The following NCAPD3 variants were observed in gnomAD, a reference collection of about 807,000 sequenced individuals.
NCAPD3 encodes the protein non-SMC condensin II complex subunit D3.
In NCAPD3, 105 loss-of-function variants were observed where a neutral mutation model predicts 182.9. That is an observed-to-expected ratio of 0.57 (90% CI 0.49 to 0.68). The LOEUF is 0.68. Ranked by LOEUF, NCAPD3 falls within the 30% of genes least tolerant of loss-of-function variation. The pLI is 0.00. For synonymous variants in NCAPD3, 815 were observed against 679.9 expected (o/e 1.20, Z -3.09); for missense variants, 1,944 against 1,837.0 (o/e 1.06, Z -1.07).
chr11:134,198,144 A>G (rs907275983), intron 13 of NCAPD3, among the ~76,000 whole-genome samples: 1 of 152,180 alleles, frequency 6.6e-6, no homozygotes, highest in Non-Finnish European at 1.5e-5. Flanking sequence ...GGGGTCAGAC[A>G]TGCCTCATTA....
rs757267104 is a variant in NCAPD3 at position 134,153,170 on chromosome 11, T to C, written c.4358A>G (p.Asp1453Gly). ...EKIEGRSQGN[D>G]ILCLSLPDKP... is the part of the protein sequence containing the mutation. The stretch of plus-strand genomic sequence containing the variant: ...ATCAGGCAGTGATAAACATAAGATG[T>C]CATTTCCTTGACTCCGGCCTTCAAT... The change falls in exon 34 of 35, where the codon GAC (aspartate) becomes GGC (glycine). Residue 1453 changes from aspartate to glycine, a missense_variant. Coordinates refer to ENST00000534548, the MANE Select transcript of NCAPD3 (RefSeq NM_015261.3). 3.7e-6 allele frequency: 6 copies of C among 1,614,074 alleles called. No homozygotes were observed. Among genetic ancestry groups the C allele is most frequent in the Middle Eastern group, 1.6e-4 (1 of 6,084 alleles).
rs778817363 is a variant in NCAPD3 at position 134,177,210 on chromosome 11, C to G, written c.3021+9G>C. On this transcript the variant is annotated intron_variant, in intron 23 of 34. Coordinates refer to ENST00000534548, the MANE Select transcript of NCAPD3 (RefSeq NM_015261.3). ...AAGGGGAAAGGACAGATTGAACCCC[C>G]CTACGCACCTGCAAGAGATTGGTAA... 19 of 1,599,416 alleles carry G rather than the reference C, an allele frequency of 1.2e-5. No individual in the cohort carries two copies. Among genetic ancestry groups the G allele is most frequent in the African/African-American group, 5.4e-5 (4 of 74,492 alleles).
At chr11:134,205,116 G>C in intron 8 of NCAPD3, 145 bp from the exon 9 acceptor site, 1 of 567,212 alleles carries the variant, frequency 1.8e-6, no homozygotes, top group Non-Finnish European at 3.1e-6. Context: ...GAAGAGTGAA[G>C]ACATAAAATG....
intron 2 of NCAPD3, among the ~76,000 whole-genome samples, chr11:134,219,018 C>G (rs949001486): frequency 6.6e-6 from 1 of 152,228 alleles, no homozygotes; most frequent in Non-Finnish European, 1.5e-5. Flanking sequence ...CTCATACACA[C>G]TCTACCAAAC....
chr11:134,218,922 C>T (rs1938125218), intron 2 of NCAPD3, among the ~76,000 whole-genome samples: 2 of 152,186 alleles, frequency 1.3e-5, no homozygotes, highest in African/African-American at 4.8e-5. Context: ...ATTCATGTTA[C>T]CTATCTATTG....
At chr11:134,178,784 G>A (rs753580710) in intron 21 of NCAPD3, 38 bp downstream of exon 21, 22 of 1,608,280 alleles carry the variant, frequency 1.4e-5, no homozygotes, top group Middle Eastern at 1.6e-4. Context: ...ACCTTGAAAC[G>A]GCATGCGTGC....
At chr11:134,164,492 C>A (rs1487536090) in intron 27 of NCAPD3, among the ~76,000 whole-genome samples, 2 of 152,172 alleles carry the variant, frequency 1.3e-5, no homozygotes, top group Non-Finnish European at 2.9e-5. Flanking sequence ...GAGCATGGCA[C>A]CAGGATTCCA....
chr11:134,205,462 C>T (rs1455059729), intron 8 of NCAPD3, among the ~76,000 whole-genome samples: 1 of 150,790 alleles, frequency 6.6e-6, no homozygotes, highest in Non-Finnish European at 1.5e-5. Flanking sequence ...CTCACTGCAA[C>T]TTCCCCCACC....
chr11:134,154,412 A>G (rs745527211), intron 32 of NCAPD3, among the ~76,000 whole-genome samples: 1 of 151,872 alleles, frequency 6.6e-6, no homozygotes, highest in African/African-American at 2.4e-5. Context: ...ACGCGTGCAC[A>G]AACACGTCCA....
At chr11:134,183,279 C>T (rs1411696282) in intron 19 of NCAPD3, 1 of 403,906 alleles carries the variant, frequency 2.5e-6, no homozygotes, top group African/African-American at 2.1e-5. Flanking sequence ...TTAATTCCTC[C>T]TGATCACTCT....
At chr11:134,187,528 CAT>C (rs1944435641) in intron 16 of NCAPD3, among the ~76,000 whole-genome samples, 1 of 152,238 alleles carries the variant, frequency 6.6e-6, no homozygotes, top group South Asian at 2.1e-4. Flanking sequence ...CCTGAGATTT[CAT>C]AGAGCCTTCT....
rs757231185 is a variant in NCAPD3 at position 134,153,067 on chromosome 11, T to C, written c.4389-15A>G. On this transcript the variant is annotated splice_polypyrimidine_tract_variant and intron_variant, in intron 34 of 34. Transcript: ENST00000534548. The stretch of plus-strand genomic sequence containing the variant: ...GCTGTGGGGGCCTAGGGAAAGGACA[T>C]GTGCAGTCATTCTGGAACTCAGAAA... 7.5e-6 allele frequency: 12 copies of C among 1,610,188 alleles called. No homozygotes were observed. Among genetic ancestry groups the C allele is most frequent in the Admixed American group, 3.3e-5 (2 of 59,882 alleles).
chr11:134,188,608 G>A (rs1292146389), intron 16 of NCAPD3, among the ~76,000 whole-genome samples: 1 of 152,048 alleles, frequency 6.6e-6, no homozygotes, highest in Non-Finnish European at 1.5e-5. Context: ...CTCCGGATGT[G>A]CCACCTTTAA....
At position 134,153,068 on chromosome 11, in the gene NCAPD3, G is replaced by T. The variant is rs765333231; in HGVS notation, c.4389-16C>A. The T allele has an allele frequency of 6.2e-7, 1 of 1,610,270 alleles. No homozygotes were observed. Among genetic ancestry groups the T allele is most frequent in the African/African-American group, 1.3e-5 (1 of 74,840 alleles). On this transcript the variant is annotated splice_polypyrimidine_tract_variant and intron_variant, in intron 34 of 34. Transcript: ENST00000534548. The stretch of plus-strand genomic sequence containing the variant: ...CTGTGGGGGCCTAGGGAAAGGACAT[G>T]TGCAGTCATTCTGGAACTCAGAAAA...
In NCAPD3 at chr11:134,151,965, G is replaced by C. The variant is rs1480058180; in HGVS notation, c.*979C>G. On this transcript the variant is annotated 3_prime_UTR_variant, in exon 35 of 35. Coordinates refer to ENST00000534548, the MANE Select transcript of NCAPD3 (RefSeq NM_015261.3). ...TGTGTTGCGGTTCCCACTTGGGATG[G>C]CAGTGGGCAGATCTCAGTGGCATCC... is the stretch of plus-strand genomic sequence containing the variant. 1 of 152,102 alleles carries C rather than the reference G, an allele frequency of 6.6e-6. No homozygotes were observed. The highest frequency in any genetic ancestry group is 1.5e-5 in the Non-Finnish European group (1 of 68,028). The allele number at this position is 152,102 out of a possible 1,614,324, so 9.4% of individuals were successfully genotyped here.
At chr11:134,211,661 A>G (rs1937836226) in intron 3 of NCAPD3, among the ~76,000 whole-genome samples, 1 of 152,212 alleles carries the variant, frequency 6.6e-6, no homozygotes, top group Non-Finnish European at 1.5e-5. Flanking sequence ...CAGCTCAAGA[A>G]TTAAAAGTAA....
Position 134,194,077 on chromosome 11 carries a change from C to A in NCAPD3, c.1763G>T (p.Cys588Phe). 1.9e-6 allele frequency: 3 copies of A among 1,614,148 alleles called. No individual in the cohort carries two copies. Among genetic ancestry groups the A allele is most frequent in the Non-Finnish European group, 2.5e-6 (3 of 1,179,962 alleles). ...KEDLWILQDQ[C>F]RDPAVSVRKQ... ...CCGGACAGACACTGCAGGGTCCCGACACTGGTCCTGCAGAATCCACAGGTC... is the reference window on the plus strand; with the variant it reads ...CCGGACAGACACTGCAGGGTCCCGAAACTGGTCCTGCAGAATCCACAGGTC... Residue 588 changes from cysteine (C) to phenylalanine (F), a missense_variant, in exon 15 of 35, where the codon TGT becomes TTT. Cys to Phe is a radical substitution (Grantham distance 205). Around this residue, in one of 3 missense-constraint regions of NCAPD3, gnomAD observed 1,803 missense variants for 1,674.6 expected, o/e 1.08. Coordinates refer to ENST00000534548, the MANE Select transcript of NCAPD3 (RefSeq NM_015261.3).
At chr11:134,194,367 A>T (rs866217268) in intron 14 of NCAPD3, among the ~76,000 whole-genome samples, 1 of 152,184 alleles carries the variant, frequency 6.6e-6, no homozygotes. Flanking sequence ...ATATTTACAA[A>T]CTATTTTATG....
At chr11:134,172,416 C>T (rs1312498104) in intron 24 of NCAPD3, among the ~76,000 whole-genome samples, 1 of 152,196 alleles carries the variant, frequency 6.6e-6, no homozygotes, top group Admixed American at 6.5e-5. Flanking sequence ...GCTCCTGACT[C>T]CCTCACCCCA....
Sources: allele counts gnomAD v4.1 joint callset (sites outside exome capture counted in the v4.1 genomes callset), GRCh38; gene constraint gnomAD v4.1.1; regional missense constraint gnomAD v4.1.1; transcripts MANE v1.5; gene names NCBI Gene and HGNC (gene_info 2026-07-23, HGNC 2026-07-21).